ERBB4: variants seen among roughly 807,000 people sequenced by gnomAD.
ERBB4 encodes erb-b2 receptor tyrosine kinase 4.
ERBB4 carries 42 observed loss-of-function variants against 158.0 expected under a neutral mutation model. The observed-to-expected ratio is 0.27, with a 90% confidence interval of 0.21 to 0.34. The LOEUF (loss-of-function observed/expected upper bound fraction) is 0.34, where lower values mean the gene tolerates loss of function less well. Ranked by LOEUF, ERBB4 falls within the 10% of genes least tolerant of loss-of-function variation. ERBB4 has a pLI of 1.00. For synonymous variants in ERBB4, 583 were observed against 558.7 expected, an observed-to-expected ratio of 1.04 and a Z score of -0.61; for missense variants, 1,333 against 1,624.1, an observed-to-expected ratio of 0.82 and a Z score of 3.08.
intron 20 of ERBB4, among the ~76,000 whole-genome samples, chr2:211,467,349 T>C (rs1024722967): frequency 6.6e-6 from 1 of 152,182 alleles, no homozygotes; most frequent in Non-Finnish European, 1.5e-5. Context: ...TCTATCTCTC[T>C]GGGTTGTTGC....
chr2:212,135,569 G>A (rs1210323078), intron 1 of ERBB4, among the ~76,000 whole-genome samples: 3 of 151,822 alleles, frequency 2.0e-5, no homozygotes, highest in Non-Finnish European at 2.9e-5. Context: ...GTTGAAAATA[G>A]GAAAAACAGA....
intron 1 of ERBB4, among the ~76,000 whole-genome samples, chr2:212,497,957 A>T (rs11894208): frequency 0.38 from 57,602 of 152,072 alleles, 11,369 homozygotes; most frequent in Non-Finnish European, 0.42. Flanking sequence ...TTGTAACAAT[A>T]AATTGGCACT....
chr2:212,127,443 T>A (rs2079971089), intron 1 of ERBB4, among the ~76,000 whole-genome samples: 2 of 152,006 alleles, frequency 1.3e-5, no homozygotes, highest in Admixed American at 1.3e-4. Flanking sequence ...ATACAAACAA[T>A]TAGCCGGGCC....
At chr2:211,921,649 A>T (rs1210489019) in intron 3 of ERBB4, among the ~76,000 whole-genome samples, 3 of 152,082 alleles carry the variant, frequency 2.0e-5, no homozygotes, top group Non-Finnish European at 4.4e-5. Flanking sequence ...ACAATTTTAC[A>T]TAGAGTGACT....
intron 7 of ERBB4, among the ~76,000 whole-genome samples, chr2:211,718,931 A>C (rs1421838284): frequency 3.3e-5 from 5 of 152,226 alleles, no homozygotes; most frequent in African/African-American, 1.2e-4. Context: ...CTTAGGTAAA[A>C]AGAAACATCA....
chr2:211,808,503 C>T (rs1037274078), intron 3 of ERBB4, among the ~76,000 whole-genome samples: 3 of 152,026 alleles, frequency 2.0e-5, no homozygotes, highest in African/African-American at 7.2e-5. Context: ...GTTTTGGTAC[C>T]AGTACAATGC....
At chr2:212,191,334 AT>A (rs947518752) in intron 1 of ERBB4, among the ~76,000 whole-genome samples, 2 of 151,514 alleles carry the variant, frequency 1.3e-5, no homozygotes, top group East Asian at 1.9e-4. Flanking sequence ...CGAATCATCC[AT>A]TTTTTTTAAT....
At chr2:212,308,446 C>T (rs1469834913) in intron 1 of ERBB4, among the ~76,000 whole-genome samples, 5 of 150,940 alleles carry the variant, frequency 3.3e-5, no homozygotes, top group Admixed American at 6.6e-5. Context: ...CTCTATGAAA[C>T]GTCTCATTGC....
At position 211,726,894 on chromosome 2, in the gene ERBB4, A is replaced by G. The variant is rs549927120; in HGVS notation, c.623-1700T>C. Among the ~76,000 whole-genome samples, 3 of 152,292 alleles carry G rather than the reference A, an allele frequency of 2.0e-5. No individual in the cohort carries two copies. In the East Asian group the frequency reaches 5.8e-4, roughly 29 times the overall value. On this transcript the variant is annotated intron_variant, in intron 5 of 27. Coordinates refer to ENST00000342788, the MANE Select transcript of ERBB4 (RefSeq NM_005235.3). ...GACCACCATCTCTGCCCTTCCAGGA[A>G]TCACATTACTCTGTTTCTCACGTCC...
intron 13 of ERBB4, 83 bp from the exon 14 acceptor site, chr2:211,673,340 A>T: frequency 2.1e-6 from 2 of 936,870 alleles, no homozygotes; most frequent in Non-Finnish European, 3.5e-6. Context: ...TAAAAGTCCT[A>T]TTGGCAGAGT....
intron 20 of ERBB4, among the ~76,000 whole-genome samples, chr2:211,530,516 A>C (rs2066465999): frequency 6.6e-6 from 1 of 152,144 alleles, no homozygotes. Flanking sequence ...TTTATATGGA[A>C]CCATAAAAGA....
At chr2:212,324,516 G>T (rs554535006) in intron 1 of ERBB4, among the ~76,000 whole-genome samples, 59 of 141,478 alleles carry the variant, frequency 4.2e-4, no homozygotes, top group African/African-American at 1.4e-3. Flanking sequence ...TTATATTATT[G>T]CATTAACAGA....
chr2:211,642,034 A>G (rs1233609802), intron 16 of ERBB4, among the ~76,000 whole-genome samples: 1 of 152,056 alleles, frequency 6.6e-6, no homozygotes, highest in Non-Finnish European at 1.5e-5. Context: ...TTTAAGTAAT[A>G]ATGAGTTCTT....
At chr2:212,035,478 A>G (rs945029617) in intron 2 of ERBB4, among the ~76,000 whole-genome samples, 1 of 152,246 alleles carries the variant, frequency 6.6e-6, no homozygotes, top group Non-Finnish European at 1.5e-5. Context: ...CTCAGGTGTC[A>G]TCAACTCAGA....
At chr2:212,240,149 T>G (rs1045311458) in intron 1 of ERBB4, among the ~76,000 whole-genome samples, 1 of 152,088 alleles carries the variant, frequency 6.6e-6, no homozygotes, top group Non-Finnish European at 1.5e-5. Flanking sequence ...TAGGGTAAGA[T>G]TAAATAAAAA....
intron 1 of ERBB4, among the ~76,000 whole-genome samples, chr2:212,441,883 G>A (rs1348203687): frequency 1.3e-5 from 2 of 152,128 alleles, no homozygotes; most frequent in East Asian, 3.9e-4. Context: ...CAGCTAGGAG[G>A]GTCCAGAAGA....
chr2:211,557,047 C>T (rs1356337343), intron 20 of ERBB4, among the ~76,000 whole-genome samples: 1 of 151,998 alleles, frequency 6.6e-6, no homozygotes, highest in Non-Finnish European at 1.5e-5. Context: ...GCTGTAATAA[C>T]AACTGCCTAG....
intron 20 of ERBB4, among the ~76,000 whole-genome samples, chr2:211,436,523 T>C (rs1169457437): frequency 6.6e-6 from 1 of 152,216 alleles, no homozygotes; most frequent in Admixed American, 6.5e-5. Context: ...AATTAGCATA[T>C]GCAAAGCACT....
At chr2:212,050,659 T>C (rs1415526068) in intron 2 of ERBB4, among the ~76,000 whole-genome samples, 1 of 152,210 alleles carries the variant, frequency 6.6e-6, no homozygotes, top group Non-Finnish European at 1.5e-5. Context: ...CAAGTTTCAC[T>C]GTAAAATTAA....
Sources: allele counts gnomAD v4.1 joint callset (sites outside exome capture counted in the v4.1 genomes callset), GRCh38; gene constraint gnomAD v4.1.1; transcripts MANE v1.5; gene names NCBI Gene and HGNC (gene_info 2026-07-23, HGNC 2026-07-21).